PCDHA2: variants seen among roughly 807,000 people sequenced by gnomAD.
The protein encoded by PCDHA2 is protocadherin alpha 2.
PCDHA2 carries 58 observed loss-of-function variants against 66.0 expected under a neutral mutation model. The ratio of observed to expected loss-of-function variants is 0.88; its 90% CI spans 0.71 to 1.09. The LOEUF (loss-of-function observed/expected upper bound fraction) is 1.09, where lower values mean the gene tolerates loss of function less well. PCDHA2 is among the 50% of genes least tolerant of loss of function. The pLI is 0.00. For synonymous variants in PCDHA2, 634 were observed against 554.0 expected (o/e 1.14, Z -2.03); for missense variants, 1,267 against 1,242.3 (o/e 1.02, Z -0.30).
At chr5:140,993,569 A>G (rs1311165766) in intron 3 of PCDHA2, among the ~76,000 whole-genome samples, 1 of 151,734 alleles carries the variant, frequency 6.6e-6, no homozygotes, top group East Asian at 1.9e-4. Flanking sequence ...TATCCTTTCT[A>G]GGGATGCTTT....
In PCDHA2 at chr5:140,822,890, G is replaced by C. The variant is rs2150120119; in HGVS notation, c.2388+25538G>C. 2.8e-5 allele frequency: 45 copies of C among 1,614,098 alleles called. No individual in the cohort carries two copies. The highest frequency in any genetic ancestry group is 3.7e-5 in the Non-Finnish European group (44 of 1,180,046). ...CTCAGCACGGTCATTGCTCTGATCA[G>C]CGTGTCTGACCGTGACTCAGGTGCC... On this transcript the variant is annotated intron_variant, in intron 1 of 3. Transcript: ENST00000526136.
chr5:140,994,954 T>C (rs2097657181), intron 3 of PCDHA2, among the ~76,000 whole-genome samples: 1 of 152,230 alleles, frequency 6.6e-6, no homozygotes, highest in Non-Finnish European at 1.5e-5. Flanking sequence ...AAATAATTTG[T>C]AGTTTCATTT....
chr5:140,841,818 C>G, intron 1 of PCDHA2: 1 of 1,613,912 alleles, frequency 6.2e-7, no homozygotes, highest in African/African-American at 1.3e-5. Context: ...GGAGCTAACT[C>G]CGTGTTAACC....
At chr5:140,870,402 T>G (rs782585618) in intron 1 of PCDHA2, 8 of 1,614,212 alleles carry the variant, frequency 5.0e-6, no homozygotes, top group Non-Finnish European at 5.1e-6. Flanking sequence ...GTTCGCCTTC[T>G]CTGTGGGCCA....
chr5:140,869,182 G>A (rs2050897144), intron 1 of PCDHA2: 2 of 1,613,976 alleles, frequency 1.2e-6, no homozygotes, highest in East Asian at 2.2e-5. Flanking sequence ...CTGGGAGGTG[G>A]GGAGCGGCCA....
intron 1 of PCDHA2, among the ~76,000 whole-genome samples, chr5:140,798,511 T>C (rs1404293833): frequency 6.6e-6 from 1 of 152,224 alleles, no homozygotes; most frequent in African/African-American, 2.4e-5. Flanking sequence ...ATGTTAATGG[T>C]TGATAAATCA....
chr5:140,847,846 ACT>A (rs2150404625), intron 1 of PCDHA2: 1 of 149,820 alleles, frequency 6.7e-6, no homozygotes, highest in Non-Finnish European at 1.5e-5. Flanking sequence ...GTTGGTTGCT[ACT>A]TTTTGTTGAT....
chr5:140,808,796 G>C (rs782615790), intron 1 of PCDHA2: 3 of 1,612,616 alleles, frequency 1.9e-6, no homozygotes, highest in Admixed American at 1.7e-5. Flanking sequence ...TCAGGTGACC[G>C]CTCGCGATGC....
Position 140,894,936 on chromosome 5 carries a change from A to G in PCDHA2, c.2389-84013A>G, listed in dbSNP as rs560165058. Among the ~76,000 whole-genome samples the G allele has an allele frequency of 3.5e-4, 53 of 152,142 alleles. 1 individual carries two copies. The highest frequency in any genetic ancestry group is 5.6e-4 in the Non-Finnish European group (38 of 68,020). On this transcript the variant is annotated intron_variant, in intron 1 of 3. Transcript: ENST00000526136. ...TTGCTCTATAGATTTCTATTCAGCTATTGTCATGAAATGATAAAAATATAA... is the reference window on the plus strand; with the variant it reads ...TTGCTCTATAGATTTCTATTCAGCTGTTGTCATGAAATGATAAAAATATAA...
At chr5:140,966,882 C>T (rs782464160) in intron 1 of PCDHA2, 1 of 1,589,690 alleles carries the variant, frequency 6.3e-7, no homozygotes, top group Admixed American at 1.7e-5. Flanking sequence ...CTACCTGGCC[C>T]TGCGGCCTCC....
chr5:140,900,015 A>C (rs2067686381), intron 1 of PCDHA2, among the ~76,000 whole-genome samples: 1 of 151,940 alleles, frequency 6.6e-6, no homozygotes, highest in African/African-American at 2.4e-5. Context: ...TCACTTTGTT[A>C]CCCAGTTTGG....
intron 1 of PCDHA2, among the ~76,000 whole-genome samples, chr5:140,871,971 G>A (rs2053418279): frequency 6.6e-6 from 1 of 152,204 alleles, no homozygotes; most frequent in South Asian, 2.1e-4. Context: ...GTCTTCCTAT[G>A]ATGTCCAGGT....
In PCDHA2 at chr5:140,850,828, C is replaced by G. The variant is rs2150499866; in HGVS notation, c.2388+53476C>G. 6.3e-7 allele frequency: 1 copy of G among 1,598,230 alleles called. No homozygotes were observed. Among genetic ancestry groups the G allele is most frequent in the East Asian group, 2.2e-5 (1 of 44,856 alleles). On this transcript the variant is annotated intron_variant, in intron 1 of 3. Coordinates refer to ENST00000526136, the MANE Select transcript of PCDHA2 (RefSeq NM_018905.3). ...ATGGCCTTCAGCCCGGGCCTTTCTC[C>G]TTGTGCTGGATCTACAGAGCGAACG...
intron 1 of PCDHA2, among the ~76,000 whole-genome samples, chr5:140,903,652 T>C (rs1304934693): frequency 6.6e-6 from 1 of 152,234 alleles, no homozygotes; most frequent in Non-Finnish European, 1.5e-5. Context: ...ATACATATAT[T>C]ATAAATTTAA....
chr5:140,870,546 G>T, intron 1 of PCDHA2: 1 of 1,614,086 alleles, frequency 6.2e-7, no homozygotes, highest in Non-Finnish European at 8.5e-7. Flanking sequence ...CGCGGGACGC[G>T]GACGCGCAGG....
chr5:140,830,668 A>G (rs1269050211), intron 1 of PCDHA2: 1 of 382,460 alleles, frequency 2.6e-6, no homozygotes, highest in African/African-American at 2.1e-5. Flanking sequence ...TTTAAGTGAA[A>G]TTAGAAATCA....
chr5:140,829,810 T>A, intron 1 of PCDHA2: 1 of 1,613,866 alleles, frequency 6.2e-7, no homozygotes, highest in Non-Finnish European at 8.5e-7. Flanking sequence ...TGGGTGGTAC[T>A]GGTGGTGCAG....
At chr5:141,008,488 C>A (rs1300609417) in intron 3 of PCDHA2, among the ~76,000 whole-genome samples, 1 of 152,124 alleles carries the variant, frequency 6.6e-6, no homozygotes, top group Non-Finnish European at 1.5e-5. Flanking sequence ...CTAGAAGTCA[C>A]TGGTATACTT....
intron 1 of PCDHA2, among the ~76,000 whole-genome samples, chr5:140,973,118 G>T (rs1554234897): frequency 1.3e-5 from 2 of 152,168 alleles, no homozygotes; most frequent in Non-Finnish European, 2.9e-5. Context: ...TAGCAGAGAT[G>T]AATTAAGTTT....
Sources: allele counts gnomAD v4.1 joint callset (sites outside exome capture counted in the v4.1 genomes callset), GRCh38; gene constraint gnomAD v4.1.1; transcripts MANE v1.5; gene names NCBI Gene and HGNC (gene_info 2026-07-23, HGNC 2026-07-21).